Variants in CLPB observed in about 807,000 individuals in gnomAD.
CLPB encodes mitochondrial disaggregase.
CLPB carries 40 observed loss-of-function variants against 78.4 expected under a neutral mutation model. The observed-to-expected ratio is 0.51, with a 90% CI of 0.40 to 0.66. CLPB has a LOEUF of 0.66. CLPB is among the 30% of genes least tolerant of loss of function. The pLI, the probability that CLPB is intolerant of heterozygous loss-of-function variation, is 0.00. For missense variants in CLPB, 780 were observed against 886.9 expected, an observed-to-expected ratio of 0.88 and a Z score of 1.53; for synonymous variants, 333 against 348.0, an observed-to-expected ratio of 0.96 and a Z score of 0.48.
At chr11:72,355,503 C>G (rs1950696324) in intron 5 of CLPB, among the ~76,000 whole-genome samples, 1 of 152,192 alleles carries the variant, frequency 6.6e-6, no homozygotes, top group African/African-American at 2.4e-5. Context: ...CTGCCAGGGG[C>G]TTTCATAAAA....
chr11:72,396,596 A>T (rs954963504), intron 3 of CLPB, among the ~76,000 whole-genome samples: 3 of 152,208 alleles, frequency 2.0e-5, no homozygotes, highest in African/African-American at 7.2e-5. Context: ...TGGAATGAAG[A>T]ATCATATACT....
rs751423546 is a variant in CLPB at position 72,434,221 on chromosome 11, G to A, written c.254C>T (p.Ala85Val). The A allele has an allele frequency of 3.7e-6, 6 of 1,613,566 alleles. No individual in the cohort carries two copies. In the Admixed American group the frequency reaches 5.0e-5, roughly 13 times the overall value. ...GGRFDTKCLA[A>V]ATWGRLPGPE... is the part of the protein sequence containing the mutation. The stretch of plus-strand genomic sequence containing the variant: ...ACCAGGAAGGCGTCCCCAAGTGGCA[G>A]CCGCGAGGCATTTGGTATCGAAGCG... The change falls in exon 1 of 16, where the codon GCT (alanine) becomes GTT (valine). Residue 85 changes from alanine to valine, a missense_variant. Transcript: ENST00000538039.
chr11:72,383,165 A>G (rs1854968427), intron 3 of CLPB, among the ~76,000 whole-genome samples: 1 of 151,646 alleles, frequency 6.6e-6, no homozygotes, highest in Non-Finnish European at 1.5e-5. Flanking sequence ...AGGAAGGCCA[A>G]TGGTTTCCAA....
intron 2 of CLPB, among the ~76,000 whole-genome samples, chr11:72,423,088 GTTCT>G (rs1258358119): frequency 6.6e-6 from 1 of 152,132 alleles, no homozygotes; most frequent in Non-Finnish European, 1.5e-5. Context: ...CTAGTATGAA[GTTCT>G]TTATTTTCTA....
chr11:72,412,099 A>G (rs996600762), intron 2 of CLPB: 1 of 152,288 alleles, frequency 6.6e-6, no homozygotes, highest in Non-Finnish European at 1.5e-5. Context: ...GGGGCAGGGC[A>G]AGGGAGCAAA....
chr11:72,421,111 G>GA (rs1349236611), intron 2 of CLPB, among the ~76,000 whole-genome samples: 1 of 152,172 alleles, frequency 6.6e-6, no homozygotes, highest in African/African-American at 2.4e-5. Context: ...CAGCTTTTTT[G>GA]CAGGGTACAT....
intron 3 of CLPB, among the ~76,000 whole-genome samples, chr11:72,396,330 T>C (rs1052844299): frequency 2.0e-5 from 3 of 152,180 alleles, no homozygotes; most frequent in Admixed American, 1.3e-4. Context: ...CAAACAGTTC[T>C]GATGTGCTTC....
chr11:72,334,829 A>T (rs1045113641), intron 5 of CLPB, among the ~76,000 whole-genome samples: 6 of 152,210 alleles, frequency 3.9e-5, no homozygotes, highest in African/African-American at 1.4e-4. Context: ...CACCCCAGGC[A>T]GTGTGGTACA....
chr11:72,333,998 A>C (rs77328725), intron 5 of CLPB, among the ~76,000 whole-genome samples: 5,687 of 152,232 alleles, frequency 0.037, 307 homozygotes, highest in African/African-American at 0.12. Context: ...AAGGGGAAGA[A>C]TGGCAAAGAG....
chr11:72,369,866 A>ATCCC (rs1294340249), intron 4 of CLPB, among the ~76,000 whole-genome samples: 11 of 152,296 alleles, frequency 7.2e-5, no homozygotes, highest in Admixed American at 7.2e-4. Flanking sequence ...TGCGTCAGGG[A>ATCCC]AGATGAATCT....
intron 2 of CLPB, among the ~76,000 whole-genome samples, chr11:72,410,424 TA>T (rs1855842477): frequency 6.6e-6 from 1 of 152,108 alleles, no homozygotes; most frequent in Admixed American, 6.6e-5. Context: ...ATATGTCACA[TA>T]GGGGTGCTAT....
chr11:72,344,559 C>G (rs1169840871), intron 5 of CLPB, among the ~76,000 whole-genome samples: 28 of 152,214 alleles, frequency 1.8e-4, no homozygotes, highest in Non-Finnish European at 2.9e-5. Flanking sequence ...CCATGACTTT[C>G]TCTCCTTTGC....
At chr11:72,302,123 T>C (rs1401973135) in intron 10 of CLPB, 159 bp from the exon 11 acceptor site, 3 of 984,710 alleles carry the variant, frequency 3.0e-6, no homozygotes, top group East Asian at 5.1e-5. Flanking sequence ...AGATCTTCTC[T>C]ATGTTTATTC....
At chr11:72,386,386 G>A (rs915662504) in intron 3 of CLPB, among the ~76,000 whole-genome samples, 3 of 152,162 alleles carry the variant, frequency 2.0e-5, no homozygotes, top group African/African-American at 4.8e-5. Flanking sequence ...GAAGTGGTAA[G>A]CATTTTAAAC....
At chr11:72,400,842 A>C (rs772774603) in intron 3 of CLPB, among the ~76,000 whole-genome samples, 7 of 152,174 alleles carry the variant, frequency 4.6e-5, no homozygotes, top group Non-Finnish European at 1.0e-4. Flanking sequence ...GAGTCCCCTC[A>C]CACCCTTTGC....
chr11:72,309,463 C>T (rs980183503), intron 7 of CLPB, among the ~76,000 whole-genome samples: 2 of 152,162 alleles, frequency 1.3e-5, no homozygotes, highest in Non-Finnish European at 2.9e-5. Flanking sequence ...AAGAATCATG[C>T]ACTGAACATG....
intron 2 of CLPB, among the ~76,000 whole-genome samples, chr11:72,426,080 C>A (rs1438264567): frequency 6.6e-6 from 1 of 152,114 alleles, no homozygotes; most frequent in African/African-American, 2.4e-5. Flanking sequence ...TAAATAAATC[C>A]TGGAGAAAAA....
chr11:72,331,261 G>A (rs780547292), intron 5 of CLPB, among the ~76,000 whole-genome samples: 5 of 151,746 alleles, frequency 3.3e-5, no homozygotes, highest in South Asian at 2.1e-4. Flanking sequence ...AACATTAGCC[G>A]GGCGTGGTGG....
intron 6 of CLPB, among the ~76,000 whole-genome samples, chr11:72,318,169 T>A (rs559684666): frequency 3.9e-5 from 6 of 152,374 alleles, no homozygotes; most frequent in African/African-American, 1.4e-4. Flanking sequence ...GACTCACTGC[T>A]ATTTCTAGCA....
Sources: gnomAD v4.1 joint callset for allele counts (sites outside exome capture counted in the v4.1 genomes callset) on GRCh38, gnomAD v4.1.1 for gene constraint, MANE v1.5 for transcripts, NCBI Gene and HGNC (gene_info 2026-07-23, HGNC 2026-07-21) for gene names.